TPD52L1: variants seen among roughly 807,000 people sequenced by gnomAD.
The protein encoded by TPD52L1 is TPD52 like 1.
In TPD52L1, 18 loss-of-function variants were observed where a neutral mutation model predicts 28.7. That is an observed-to-expected ratio of 0.63 (90% confidence interval 0.43 to 0.93). The LOEUF (loss-of-function observed/expected upper bound fraction) is 0.93, where lower values mean the gene tolerates loss of function less well. TPD52L1 is among the 40% of genes least tolerant of loss of function. The probability of loss-of-function intolerance (pLI) is 0.00; values close to 1 mark genes in which losing one functional copy is unlikely to be tolerated. For missense variants in TPD52L1, 203 were observed against 254.8 expected, an observed-to-expected ratio of 0.80 and a Z score of 1.39; for synonymous variants, 75 against 88.8, an observed-to-expected ratio of 0.84 and a Z score of 0.88.
chr6:125,171,176 G>A (rs1048707279), intron 1 of TPD52L1, among the ~76,000 whole-genome samples: 3 of 152,044 alleles, frequency 2.0e-5, no homozygotes, highest in African/African-American at 7.2e-5. Flanking sequence ...CTACCAAATC[G>A]GAAACTTTGA....
intron 1 of TPD52L1, among the ~76,000 whole-genome samples, chr6:125,174,047 A>G (rs951298924): frequency 6.6e-6 from 1 of 152,204 alleles, no homozygotes; most frequent in Admixed American, 6.5e-5. Flanking sequence ...CTCAAGTCTC[A>G]GTTTGCTCAT....
chr6:125,245,555 G>A (rs1385934320), intron 3 of TPD52L1, among the ~76,000 whole-genome samples: 3 of 152,130 alleles, frequency 2.0e-5, no homozygotes, highest in East Asian at 1.9e-4. Context: ...CTCCTTGGGC[G>A]GGTCAGACTC....
chr6:125,176,022 G>T (rs148004806), intron 1 of TPD52L1, among the ~76,000 whole-genome samples: 1 of 152,276 alleles, frequency 6.6e-6, no homozygotes, highest in Admixed American at 6.5e-5. Context: ...CAATGTAGCC[G>T]AATCCCATGG....
At chr6:125,249,126 A>G (rs1347805641) in intron 4 of TPD52L1, among the ~76,000 whole-genome samples, 1 of 151,042 alleles carries the variant, frequency 6.6e-6, no homozygotes, top group Non-Finnish European at 1.5e-5. Context: ...CATATTATAT[A>G]CAATATTATA....
At chr6:125,154,419 C>T in intron 1 of TPD52L1, 2 of 989,640 alleles carry the variant, frequency 2.0e-6, no homozygotes, top group Non-Finnish European at 1.2e-6. Flanking sequence ...GAGAGGATCG[C>T]CCGCCGAGGG....
chr6:125,236,773 C>T (rs1796282119), intron 3 of TPD52L1, among the ~76,000 whole-genome samples: 1 of 152,126 alleles, frequency 6.6e-6, no homozygotes, highest in Non-Finnish European at 1.5e-5. Context: ...TCTTCCTTTC[C>T]TCCACCCTTC....
chr6:125,232,597 C>T (rs1005958633), intron 3 of TPD52L1, among the ~76,000 whole-genome samples: 1 of 152,076 alleles, frequency 6.6e-6, no homozygotes. Context: ...AGAGGCAATA[C>T]TTTGCATACT....
At chr6:125,160,660 C>A (rs373483148) in intron 1 of TPD52L1, among the ~76,000 whole-genome samples, 6 of 152,194 alleles carry the variant, frequency 3.9e-5, no homozygotes, top group Non-Finnish European at 7.3e-5. Context: ...AGCATCGACT[C>A]CTCCTCTCTA....
Position 125,177,535 on chromosome 6 carries a change from T to C in TPD52L1, c.19+23565T>C, listed in dbSNP as rs78973475. Among the ~76,000 whole-genome samples the C allele has an allele frequency of 1.2e-4, 19 of 152,308 alleles. No individual in the cohort carries two copies. The East Asian group carries it at 3.7e-3, about 29-fold the overall frequency. ...GAGATTGGCCTGAGCTAGTATCTTATACATGGGAAAACCAGAAAAAGAACT... is the reference window on the plus strand; with the variant it reads ...GAGATTGGCCTGAGCTAGTATCTTACACATGGGAAAACCAGAAAAAGAACT... On this transcript the variant is annotated intron_variant, in intron 1 of 6. Transcript: ENST00000534000.
Position 125,229,223 on chromosome 6 carries a change from CAG to C in TPD52L1, c.243_244del (p.Asn82LeufsTer7), listed in dbSNP as rs1795799889. 7 of 1,613,328 alleles carry C rather than the reference CAG, an allele frequency of 4.3e-6. No homozygotes were observed. Among genetic ancestry groups the C allele is most frequent in the Middle Eastern group, 1.6e-4 (1 of 6,072 alleles). On this transcript the variant is annotated frameshift_variant, in exon 3 of 7. Transcript: ENST00000534000. LOFTEE classifies it high-confidence loss of function. ...LGMNLMNELK[Q>X]NFSKSWHDMQ... ...CATGAACCTGATGAATGAATTAAAA[CAG>C]AACTTCAGCAAAAGCTGGCATGACA...
intron 1 of TPD52L1, among the ~76,000 whole-genome samples, chr6:125,184,945 T>C (rs1317181382): frequency 6.9e-6 from 1 of 144,892 alleles, no homozygotes; most frequent in Non-Finnish European, 1.5e-5. Flanking sequence ...TGGATCAAAA[T>C]AAAAGCACAC....
chr6:125,241,634 G>A (rs1796617046), intron 3 of TPD52L1, among the ~76,000 whole-genome samples: 1 of 151,908 alleles, frequency 6.6e-6, no homozygotes, highest in African/African-American at 2.4e-5. Context: ...TAGTAGCCTT[G>A]AATGTTTGTA....
chr6:125,240,652 T>A (rs188585834), intron 3 of TPD52L1, among the ~76,000 whole-genome samples: 1 of 152,180 alleles, frequency 6.6e-6, no homozygotes, highest in Admixed American at 6.5e-5. Flanking sequence ...ACAGCAGTGC[T>A]ACTGATTTGT....
At chr6:125,217,098 G>C (rs909734279) in intron 1 of TPD52L1, among the ~76,000 whole-genome samples, 8 of 152,126 alleles carry the variant, frequency 5.3e-5, no homozygotes, top group African/African-American at 1.9e-4. Flanking sequence ...AAATACTCAT[G>C]AACAGAAAGT....
intron 1 of TPD52L1, among the ~76,000 whole-genome samples, chr6:125,180,092 C>G (rs1792088696): frequency 6.6e-6 from 1 of 152,188 alleles, no homozygotes; most frequent in African/African-American, 2.4e-5. Context: ...ACCTGTGGCT[C>G]TGGTCATCAC....
intron 1 of TPD52L1, among the ~76,000 whole-genome samples, chr6:125,172,157 T>TTTCTTTCTTTTCTTTC (rs1554202455): frequency 3.1e-4 from 17 of 54,030 alleles, no homozygotes; most frequent in Non-Finnish European, 2.4e-4. Flanking sequence ...TCTTTCTTTC[T>TTTCTTTCTTTTCTTTC]TTTCTTTCTT....
At chr6:125,248,577 AG>A (rs1199473406) in intron 4 of TPD52L1, 194 bp downstream of exon 4, 1 of 545,688 alleles carries the variant, frequency 1.8e-6, no homozygotes, top group Non-Finnish European at 3.3e-6. Flanking sequence ...GGTCAGGCTT[AG>A]GTGGCCTGGT....
At chr6:125,168,549 G>A (rs534924184) in intron 1 of TPD52L1, among the ~76,000 whole-genome samples, 8 of 146,896 alleles carry the variant, frequency 5.4e-5, no homozygotes, top group South Asian at 2.2e-4. Context: ...ACGGAGTCTC[G>A]CTCTGTTGCC....
rs60911991 is a variant in TPD52L1 at position 125,197,135 on chromosome 6, C to T, written c.20-22943C>T. 4.2e-3 allele frequency among the ~76,000 whole-genome samples: 636 copies of T among 152,236 alleles called. 7 individuals carry two copies. The highest frequency in any genetic ancestry group is 0.015 in the African/African-American group (616 of 41,546). On this transcript the variant is annotated intron_variant, in intron 1 of 6. Transcript: ENST00000534000. ...ATAATCATGCTTGCTGAAATTTTAG[C>T]CCAGCCTTCTTGCTTGCTGAGAAAA...
Sources: gnomAD v4.1 joint callset for allele counts (sites outside exome capture counted in the v4.1 genomes callset) on GRCh38, gnomAD v4.1.1 for gene constraint, MANE v1.5 for transcripts, NCBI Gene and HGNC (gene_info 2026-07-23, HGNC 2026-07-21) for gene names.